TENM2: variants seen among roughly 807,000 people sequenced by gnomAD.
The protein encoded by TENM2 is teneurin transmembrane protein 2, also known as teneurin-2.
In TENM2, 52 loss-of-function variants were observed where a neutral mutation model predicts 245.2. That is an observed-to-expected ratio of 0.21 (90% CI 0.17 to 0.27). The LOEUF is 0.27. TENM2 is among the 10% of genes least tolerant of loss of function. TENM2 has a pLI of 1.00. For synonymous variants in TENM2, 1,363 were observed against 1,438.9 expected (o/e 0.95, Z 1.19); for missense variants, 3,046 against 3,666.8 (o/e 0.83, Z 4.37).
intron 2 of TENM2, among the ~76,000 whole-genome samples, chr5:167,537,024 C>T (rs929663544): frequency 2.0e-5 from 3 of 149,834 alleles, no homozygotes; most frequent in Admixed American, 1.3e-4. Flanking sequence ...GACTCCATCT[C>T]AAAAAAAAAG....
chr5:167,590,259 G>T (rs1244047074), intron 2 of TENM2, among the ~76,000 whole-genome samples: 1 of 151,858 alleles, frequency 6.6e-6, no homozygotes, highest in African/African-American at 2.4e-5. Flanking sequence ...AAATCTTGAT[G>T]TAGTAAGGTC....
At chr5:167,238,694 C>CAAAAAAAAAAAAAAAAA in the TENM2 span, among the ~76,000 whole-genome samples, 1 of 58,120 alleles carries the variant, frequency 1.7e-5, no homozygotes, top group African/African-American at 5.0e-5. Context: ...ACAGGAGATG[C>CAAAAAAAAAAAAAAAAA]AAAAAAAAAA....
At chr5:167,064,822 A>G in the TENM2 span, among the ~76,000 whole-genome samples, 1 of 152,232 alleles carries the variant, frequency 6.6e-6, no homozygotes, top group Non-Finnish European at 1.5e-5. Context: ...AATTATCATG[A>G]CATACGGGAT....
intron 12 of TENM2, among the ~76,000 whole-genome samples, chr5:168,157,738 G>C (rs1242553626): frequency 1.3e-5 from 2 of 152,162 alleles, no homozygotes; most frequent in Non-Finnish European, 2.9e-5. Context: ...AGAGTTTGTG[G>C]GGAGGAAAGG....
intron 13 of TENM2, chr5:168,186,970 G>A (rs1472731305): frequency 6.6e-6 from 1 of 152,220 alleles, no homozygotes; most frequent in Admixed American, 6.5e-5. Context: ...AAAGTTCACA[G>A]TGTCGTCTGA....
chr5:167,474,310 G>A (rs376626445), intron 2 of TENM2, among the ~76,000 whole-genome samples: 12 of 152,056 alleles, frequency 7.9e-5, no homozygotes, highest in African/African-American at 2.4e-4. Context: ...CAATATCAAC[G>A]TTTTTACCTA....
intron 3 of TENM2, among the ~76,000 whole-genome samples, chr5:167,898,074 C>CTA (rs1191806965): frequency 6.6e-6 from 1 of 151,998 alleles, no homozygotes; most frequent in African/African-American, 2.4e-5. Context: ...GAGCCCTTTG[C>CTA]TATAGCATTG....
chr5:167,446,535 C>T (rs369339722), intron 2 of TENM2, among the ~76,000 whole-genome samples: 1 of 152,240 alleles, frequency 6.6e-6, no homozygotes, highest in African/African-American at 2.4e-5. Context: ...GGAACTGATC[C>T]GTTGCTGTGT....
In TENM2 at chr5:168,214,279, C is replaced by T. The variant is rs1363892380; in HGVS notation, c.3846-761C>T. Among the ~76,000 whole-genome samples, 5 of 152,196 alleles carry T rather than the reference C, an allele frequency of 3.3e-5. No individual in the cohort carries two copies. In the South Asian group the frequency reaches 6.2e-4, roughly 19 times the overall value. ...AAGCAGCCCAGGTCTCAGAGGCTCA[C>T]GCCTTCCTAATACACTTCACACACA... On this transcript the variant is annotated intron_variant, in intron 20 of 28. Coordinates refer to ENST00000518659, the Ensembl canonical transcript of TENM2.
chr5:167,177,022 T>C, the TENM2 span, among the ~76,000 whole-genome samples: 2 of 152,184 alleles, frequency 1.3e-5, no homozygotes, highest in African/African-American at 4.8e-5. Flanking sequence ...TTGCTGAGGG[T>C]GTTGACCTAT....
chr5:167,107,282 A>G, the TENM2 span, among the ~76,000 whole-genome samples: 1 of 151,694 alleles, frequency 6.6e-6, no homozygotes, highest in African/African-American at 2.4e-5. Flanking sequence ...GAAGGAAGGA[A>G]GGAAGGAGGG....
At chr5:167,932,813 C>T (rs192835488) in intron 3 of TENM2, among the ~76,000 whole-genome samples, 57 of 152,242 alleles carry the variant, frequency 3.7e-4, no homozygotes, top group African/African-American at 9.6e-4. Context: ...CTTAGCTCGG[C>T]GGCTGAATGT....
At position 167,559,118 on chromosome 5, in the gene TENM2, C is replaced by T. The variant is rs372355465; in HGVS notation, c.502+183645C>T. On this transcript the variant is annotated intron_variant, in intron 2 of 28. Transcript: ENST00000518659. ...TGCAATGCAGTTTGAATGGTTGTGACACCCATAACCTCAAATATATACAAT... is the reference window on the plus strand; with the variant it reads ...TGCAATGCAGTTTGAATGGTTGTGATACCCATAACCTCAAATATATACAAT... 4.6e-5 allele frequency among the ~76,000 whole-genome samples: 7 copies of T among 152,286 alleles called. No individual in the cohort carries two copies. In the East Asian group the frequency reaches 7.7e-4, roughly 17 times the overall value.
intron 3 of TENM2, among the ~76,000 whole-genome samples, chr5:167,927,801 G>A (rs886866110): frequency 3.3e-5 from 5 of 152,134 alleles, no homozygotes; most frequent in African/African-American, 4.8e-5. Context: ...GCCTGAGGTC[G>A]CAGGACGCCA....
At chr5:167,445,505 T>G (rs755933699) in intron 2 of TENM2, among the ~76,000 whole-genome samples, 32 of 152,026 alleles carry the variant, frequency 2.1e-4, no homozygotes, top group Non-Finnish European at 4.4e-4. Context: ...AGCAATTTTA[T>G]CCAATGCAAA....
chr5:167,026,811 T>A, the TENM2 span, among the ~76,000 whole-genome samples: 1 of 152,218 alleles, frequency 6.6e-6, no homozygotes, highest in Non-Finnish European at 1.5e-5. Context: ...CATGGAGTGA[T>A]CTTCAAGCCC....
intron 2 of TENM2, among the ~76,000 whole-genome samples, chr5:167,612,164 G>A (rs147464092): frequency 1.6e-4 from 25 of 152,108 alleles, no homozygotes; most frequent in African/African-American, 4.1e-4. Context: ...CTCTGTTCTC[G>A]TCTTTTGCCC....
chr5:167,470,478 C>CTTTTTTTTTTTTTTTTTTTTT (rs1582137507), intron 2 of TENM2, among the ~76,000 whole-genome samples: 2 of 18,926 alleles, frequency 1.1e-4, no homozygotes, highest in East Asian at 1.6e-3. Flanking sequence ...TTTTTTTTTG[C>CTTTTTTTTTTTTTTTTTTTTT]TTATGGAAGG....
chr5:167,479,633 T>C (rs1342178447), intron 2 of TENM2, among the ~76,000 whole-genome samples: 1 of 152,194 alleles, frequency 6.6e-6, no homozygotes, highest in East Asian at 1.9e-4. Context: ...GCCCTTTACT[T>C]GAACATAAAG....
Sources: allele counts gnomAD v4.1 joint callset (sites outside exome capture counted in the v4.1 genomes callset), GRCh38; gene constraint gnomAD v4.1.1; transcripts MANE v1.5; gene names NCBI Gene and HGNC (gene_info 2026-07-23, HGNC 2026-07-21).